Variants in SGSM3 observed in about 807,000 individuals in gnomAD.
The protein encoded by SGSM3 is RUN and SH3 containing 3.
SGSM3 carries 96 observed loss-of-function variants against 100.5 expected under a neutral mutation model. The observed-to-expected ratio is 0.96, with a 90% CI of 0.81 to 1.13. The LOEUF (loss-of-function observed/expected upper bound fraction) is 1.13. Among genes scored for constraint, SGSM3 ranks in the 50% most tolerant of loss-of-function variants. The pLI, the probability that SGSM3 is intolerant of heterozygous loss-of-function variation, is 0.00. For synonymous variants in SGSM3, 483 were observed against 422.8 expected (o/e 1.14, Z -1.75); for missense variants, 1,001 against 1,015.8 (o/e 0.99, Z 0.20).
chr22:40,404,070 T>G, intron 4 of SGSM3, 177 bp from the exon 5 acceptor site: 1 of 476,568 alleles, frequency 2.1e-6, no homozygotes, highest in Non-Finnish European at 3.7e-6. Context: ...ATGGGGTACA[T>G]GTTAGAGGCT....
At chr22:40,384,286 C>T (rs1030913771) in intron 1 of SGSM3, among the ~76,000 whole-genome samples, 2 of 151,830 alleles carry the variant, frequency 1.3e-5, no homozygotes, top group Admixed American at 6.6e-5. Context: ...CAAAAATTAC[C>T]CTAAACCTTA....
At chr22:40,372,272 G>T (rs1318999435) in intron 1 of SGSM3, among the ~76,000 whole-genome samples, 3 of 151,858 alleles carry the variant, frequency 2.0e-5, no homozygotes, top group Non-Finnish European at 4.4e-5. Flanking sequence ...GACTATAGGT[G>T]CCCGCCACCA....
At chr22:40,390,536 A>G (rs1032435257) in intron 1 of SGSM3, 3 of 152,208 alleles carry the variant, frequency 2.0e-5, no homozygotes, top group African/African-American at 4.8e-5. Flanking sequence ...GTTACGTTGT[A>G]TATAGGTCAT....
Position 40,399,936 on chromosome 22 carries a change from G to A in SGSM3, c.-111-760G>A, listed in dbSNP as rs116865378. Among the ~76,000 whole-genome samples the A allele has an allele frequency of 3.5e-4, 54 of 152,356 alleles. No individual in the cohort carries two copies. The East Asian group carries it at 0.01, about 28-fold the overall frequency. ...TGTGTCTGGGGCAGGAGCAGAGGCC[G>A]GGACACAGCTGAGCTGCCCACAGGA... is the stretch of plus-strand genomic sequence containing the variant. On this transcript the variant is annotated intron_variant, in intron 1 of 21. Transcript: ENST00000248929.
intron 1 of SGSM3, among the ~76,000 whole-genome samples, chr22:40,382,463 C>A (rs551645199): frequency 6.6e-6 from 1 of 152,270 alleles, no homozygotes; most frequent in African/African-American, 2.4e-5. Flanking sequence ...CCACCTGGGA[C>A]TGTTGGCCGG....
At chr22:40,402,268 T>C (rs2146961573) in intron 4 of SGSM3, 63 bp downstream of exon 4, 3 of 1,245,884 alleles carry the variant, frequency 2.4e-6, no homozygotes, top group East Asian at 2.3e-5. Context: ...CTCCGCTCCC[T>C]TGACTGAATT....
Position 40,409,834 on chromosome 22 carries a change from G to A in SGSM3, c.*75G>A, listed in dbSNP as rs1602171400. ...ACCCCAAGCTGCAGAGCCCAGGGAA[G>A]AGCAGCTCCAGAGCCCTGGCCGGGG... On this transcript the variant is annotated 3_prime_UTR_variant, in exon 22 of 22. Coordinates refer to ENST00000248929, the MANE Select transcript of SGSM3 (RefSeq NM_015705.6). 3 of 1,547,622 alleles carry A rather than the reference G, an allele frequency of 1.9e-6. No homozygotes were observed. Among genetic ancestry groups the A allele is most frequent in the Non-Finnish European group, 2.6e-6 (3 of 1,153,952 alleles).
chr22:40,371,091 A>G (rs946044112), intron 1 of SGSM3, among the ~76,000 whole-genome samples: 9 of 152,168 alleles, frequency 5.9e-5, no homozygotes, highest in Admixed American at 2.6e-4. Context: ...ACTCCTCCTC[A>G]GGTTTAACTT....
At position 40,405,426 on chromosome 22, in the gene SGSM3, G is replaced by A. The variant is rs143962580; in HGVS notation, c.618+142G>A. On this transcript the variant is annotated intron_variant, in intron 7 of 21. Coordinates refer to ENST00000248929, the MANE Select transcript of SGSM3 (RefSeq NM_015705.6). Reference sequence around the variant, plus strand: ...AAGGAGTGGCCTCCCACTCCGGGGCGTCCCCAAGGAGATCGGGGCAGCTGC... The same window carrying A: ...AAGGAGTGGCCTCCCACTCCGGGGCATCCCCAAGGAGATCGGGGCAGCTGC... The A allele has an allele frequency of 1.7e-4, 159 of 930,100 alleles. 2 individuals carry two copies. The Admixed American group carries it at 2.9e-3, about 17-fold the overall frequency. 57.6% of individuals were successfully genotyped at this position (930,100 alleles called of 1,614,324 possible).
chr22:40,377,750 G>A (rs1475979194), intron 1 of SGSM3, among the ~76,000 whole-genome samples: 4 of 151,974 alleles, frequency 2.6e-5, no homozygotes, highest in Admixed American at 6.6e-5. Flanking sequence ...GGAGGCTGAG[G>A]TGGGAAGATT....
At chr22:40,401,544 C>G in intron 2 of SGSM3, 49 bp from the exon 3 acceptor site, 1 of 1,494,744 alleles carries the variant, frequency 6.7e-7, no homozygotes, top group Non-Finnish European at 9.3e-7. Flanking sequence ...CTGCGCCTGG[C>G]CTGCCTCTGC....
chr22:40,389,269 C>T (rs1167696288), intron 1 of SGSM3, among the ~76,000 whole-genome samples: 1 of 152,178 alleles, frequency 6.6e-6, no homozygotes, highest in Non-Finnish European at 1.5e-5. Flanking sequence ...GAAGTGATTA[C>T]ACAGCTAAAT....
At chr22:40,401,214 G>A (rs1261738290) in intron 2 of SGSM3, among the ~76,000 whole-genome samples, 1 of 152,088 alleles carries the variant, frequency 6.6e-6, no homozygotes, top group Non-Finnish European at 1.5e-5. Flanking sequence ...TAGAGGGAGA[G>A]GGTATTTCCT....
At chr22:40,372,122 CTTTTTTTTTT>C (rs58396730) in intron 1 of SGSM3, among the ~76,000 whole-genome samples, 1 of 65,200 alleles carries the variant, frequency 1.5e-5, no homozygotes, top group African/African-American at 6.6e-5. Context: ...TCCCCCCCCC[CTTTTTTTTTT>C]TTTTTTTTTT....
chr22:40,404,981 G>A (rs1206274155), intron 6 of SGSM3, 160 bp from the exon 7 acceptor site: 3 of 522,670 alleles, frequency 5.7e-6, no homozygotes, highest in Non-Finnish European at 7.4e-6. Context: ...TGATGTCCCG[G>A]CTCCACACTG....
At chr22:40,371,462 T>C (rs1335337715) in intron 1 of SGSM3, among the ~76,000 whole-genome samples, 1 of 152,202 alleles carries the variant, frequency 6.6e-6, no homozygotes, top group Non-Finnish European at 1.5e-5. Context: ...TCTTATTCTT[T>C]CTTAGTAAAT....
rs4396808 is a variant in SGSM3, at chr22:40,408,335, C to T, written c.1688C>T (p.Thr563Ile). The T allele has an allele frequency of 6.2e-7, 1 of 1,613,550 alleles. No homozygotes were observed. Among genetic ancestry groups the T allele is most frequent in the South Asian group, 1.1e-5 (1 of 91,076 alleles). The change falls in exon 16 of 22, where the codon ACC (threonine) becomes ATC (isoleucine). Residue 563 changes from threonine to isoleucine, a missense_variant. Thr to Ile is a moderately conservative substitution (Grantham distance 89). Transcript: ENST00000248929. Reference protein sequence around the residue: ...TEGVTDLVRGTLCPALKALFE... With the variant: ...TEGVTDLVRGILCPALKALFE... The stretch of plus-strand genomic sequence containing the variant: ...GGGGTCACAGACCTCGTGCGAGGGA[C>T]CCTCTGCCCGGCCCTTAAGGCCCTG...
chr22:40,383,117 C>A (rs2047835033), intron 1 of SGSM3, among the ~76,000 whole-genome samples: 1 of 152,066 alleles, frequency 6.6e-6, no homozygotes, highest in Non-Finnish European at 1.5e-5. Context: ...AGGATTCAGC[C>A]CTTGAAGAGC....
chr22:40,392,476 G>C (rs1049519167), intron 1 of SGSM3, among the ~76,000 whole-genome samples: 1 of 151,972 alleles, frequency 6.6e-6, no homozygotes, highest in Admixed American at 6.6e-5. Context: ...TTCTTTCCTT[G>C]GTTTTGTATA....
Sources: gnomAD v4.1 joint callset for allele counts (sites outside exome capture counted in the v4.1 genomes callset) on GRCh38, gnomAD v4.1.1 for gene constraint, MANE v1.5 for transcripts, NCBI Gene and HGNC (gene_info 2026-07-23, HGNC 2026-07-21) for gene names.